PPM1F: variants seen among roughly 807,000 people sequenced by gnomAD.
PPM1F encodes protein phosphatase 1F.
PPM1F carries 17 observed loss-of-function variants against 35.5 expected under a neutral mutation model. The ratio of observed to expected loss-of-function variants is 0.48; its 90% CI spans 0.33 to 0.72. The LOEUF (loss-of-function observed/expected upper bound fraction) is 0.72. Ranked by LOEUF, PPM1F falls within the 30% of genes least tolerant of loss-of-function variation. The pLI is 0.02. For missense variants in PPM1F, 521 were observed against 613.0 expected, an observed-to-expected ratio of 0.85 and a Z score of 1.59; for synonymous variants, 241 against 255.5, an observed-to-expected ratio of 0.94 and a Z score of 0.54.
At chr22:21,926,353 C>T (rs536865130) in intron 6 of PPM1F, among the ~76,000 whole-genome samples, 4 of 151,976 alleles carry the variant, frequency 2.6e-5, no homozygotes, top group Admixed American at 6.6e-5. Context: ...AGACTGGTCT[C>T]GATCTCCTGA....
intron 3 of PPM1F, chr22:21,938,299 C>T (rs2070685231): frequency 7.2e-6 from 9 of 1,247,438 alleles, no homozygotes; most frequent in Admixed American, 2.8e-5. Context: ...GGCCGCAGAG[C>T]GGAGGAGCAG....
intron 6 of PPM1F, among the ~76,000 whole-genome samples, chr22:21,930,277 G>T (rs149537401): frequency 1.1e-4 from 17 of 152,312 alleles, no homozygotes; most frequent in African/African-American, 3.4e-4. Context: ...CATGGCCTGA[G>T]GTGGGAAGCT....
chr22:21,943,635 C>T (rs1290254585), intron 2 of PPM1F: 1 of 152,432 alleles, frequency 6.6e-6, no homozygotes, highest in Non-Finnish European at 1.5e-5. Flanking sequence ...TGGTTCGGGG[C>T]CCTCCTGGGC....
Position 21,923,420 on chromosome 22 carries a change from C to T in PPM1F, c.1037G>A (p.Arg346Gln), listed in dbSNP as rs199861570. ...YVSGEADAASRALTGSEDYLL... is the reference protein window; with the variant it reads ...YVSGEADAASQALTGSEDYLL... ...GTAGTCCTCGGAGCCCGTCAGCGCC[C>T]GGGAAGCTGCATCGGCCTCCCCAGA... The change falls in exon 8 of 8, where the codon CGG (arginine) becomes CAG (glutamine). Residue 346 changes from arginine (R) to glutamine (Q), a missense_variant. Arg to Gln is a conservative substitution (Grantham distance 43). Coordinates refer to ENST00000263212, the MANE Select transcript of PPM1F (RefSeq NM_014634.4). The T allele has an allele frequency of 4.6e-5, 74 of 1,613,366 alleles. No individual in the cohort carries two copies. In the Admixed American group the frequency reaches 5.5e-4, roughly 12 times the overall value.
Position 21,924,268 on chromosome 22 carries a change from CT to C in PPM1F, c.986-798del, listed in dbSNP as rs34519625. Among the ~76,000 whole-genome samples the C allele has an allele frequency of 1.2e-3, 159 of 137,176 alleles. 2 individuals are homozygous for C. Among genetic ancestry groups the C allele is most frequent in the South Asian group, 4.6e-3 (20 of 4,306 alleles). 90.0% of individuals were successfully genotyped at this position (137,176 alleles called of 152,430 possible). ...GACAATGAGATGCAGGCTGGACCCA[CT>C]TTTTTTTTTTTTTTTGAGATGGAGT... On this transcript the variant is annotated intron_variant, in intron 7 of 7. Transcript: ENST00000263212.
At position 21,939,499 on chromosome 22, in the gene PPM1F, C is replaced by T. The variant is rs929642109; in HGVS notation, c.355+33G>A. 1.9e-5 allele frequency: 30 copies of T among 1,607,224 alleles called. No individual in the cohort carries two copies. The highest frequency in any genetic ancestry group is 2.3e-5 in the Non-Finnish European group (27 of 1,176,476). On this transcript the variant is annotated intron_variant, in intron 3 of 7. Coordinates refer to ENST00000263212, the MANE Select transcript of PPM1F (RefSeq NM_014634.4). This position sits in a 1 kb window ranked among gnomAD's most constrained non-coding sequence, Gnocchi z 5.1. ...TCACCCTTTGTTGCCTGCTAAGCAG[C>T]CCTGGGGCCACCTCAGAAGAAACAG...
At chr22:21,932,996 A>C (rs928502269) in intron 5 of PPM1F, among the ~76,000 whole-genome samples, 4 of 152,092 alleles carry the variant, frequency 2.6e-5, no homozygotes, top group African/African-American at 9.7e-5. Flanking sequence ...AGTGCTTTCC[A>C]TGCATGGCTC....
intron 2 of PPM1F, chr22:21,945,096 A>G (rs536274627): frequency 6.6e-6 from 1 of 152,444 alleles, no homozygotes; most frequent in Admixed American, 6.5e-5. Flanking sequence ...ATCAGCTGCT[A>G]TGCAATAAAT....
chr22:21,933,453 C>G lies in PPM1F; in HGVS notation c.685G>C (p.Gly229Arg). The G allele has an allele frequency of 6.2e-7, 1 of 1,613,476 alleles. No homozygotes were observed. The highest frequency in any genetic ancestry group is 1.1e-5 in the South Asian group (1 of 91,078). Reference protein sequence around the residue: ...RQPELPTDPEGALREAFRRTD... With the variant: ...RQPELPTDPERALREAFRRTD... ...CGCCGGAAGGCTTCTCTGAGGGCTC[C>G]CTCAGGGTCTGTGGGCAGCTCTGGC... Residue 229 changes from glycine (G) to arginine (R), a missense_variant, in exon 5 of 8, where the codon GGA (glycine) becomes CGA (arginine). Coordinates refer to ENST00000263212, the MANE Select transcript of PPM1F (RefSeq NM_014634.4).
intron 2 of PPM1F, chr22:21,943,200 C>T (rs963336387): frequency 1.3e-5 from 2 of 152,176 alleles, no homozygotes; most frequent in African/African-American, 4.8e-5. Context: ...CCTCCTCAGG[C>T]TGGGACACGG....
At chr22:21,926,719 C>T (rs766679975) in intron 6 of PPM1F, among the ~76,000 whole-genome samples, 1 of 152,142 alleles carries the variant, frequency 6.6e-6, no homozygotes, top group Non-Finnish European at 1.5e-5. Flanking sequence ...CATCCCTTAC[C>T]GGTTTATCAG....
rs1404222064 is a variant in PPM1F at position 21,922,846 on chromosome 22, G to A, written c.*246C>T. On this transcript the variant is annotated 3_prime_UTR_variant, in exon 8 of 8. Transcript: ENST00000263212. ...CGGGCCTAATAGGAGCTGGGAGCAAGAGCCGGTCCATCTTCTCTTTGGTGA... is the reference window on the plus strand; with the variant it reads ...CGGGCCTAATAGGAGCTGGGAGCAAAAGCCGGTCCATCTTCTCTTTGGTGA... 1.9e-6 allele frequency: 1 copy of A among 515,760 alleles called. No homozygotes were observed. The highest frequency in any genetic ancestry group is 3.4e-6 in the Non-Finnish European group (1 of 293,676). The allele number at this position is 515,760 out of a possible 1,614,324, so 31.9% of individuals were successfully genotyped here.
At chr22:21,925,759 A>G (rs2070506787) in intron 6 of PPM1F, 97 bp from the exon 7 acceptor site, 1 of 963,356 alleles carries the variant, frequency 1.0e-6, no homozygotes, top group African/African-American at 1.6e-5. Context: ...CTTCTAAGAC[A>G]GCAGCATTCA....
At position 21,934,173 on chromosome 22, in the gene PPM1F, C is replaced by T. The variant is rs550518307; in HGVS notation, c.409G>A (p.Ala137Thr). 2.5e-5 allele frequency: 39 copies of T among 1,578,514 alleles called. No homozygotes were observed. In the Middle Eastern group the frequency reaches 5.0e-4, roughly 20 times the overall value. ...QSFFNRLWEV[A>T]GQWQKQVPLA... The stretch of plus-strand genomic sequence containing the variant: ...GGCACCTGCTTCTGCCACTGGCCGG[C>T]GACTTCCCAAAGGCGGTTAAAGAAA... The change falls in exon 4 of 8, where the codon GCC becomes ACC. Residue 137 changes from alanine (A) to threonine (T), a missense_variant. Physicochemically the swap from Ala to Thr is moderately conservative, Grantham distance 58 (BLOSUM62 0). Coordinates refer to ENST00000263212, the MANE Select transcript of PPM1F (RefSeq NM_014634.4).
chr22:21,940,828 G>A (rs1029364823), intron 2 of PPM1F, among the ~76,000 whole-genome samples: 1 of 152,208 alleles, frequency 6.6e-6, no homozygotes, highest in African/African-American at 2.4e-5. Flanking sequence ...GGAGCTGCCG[G>A]GGTGAGGGGC....
chr22:21,951,589 T>A (rs925970492), intron 1 of PPM1F: 2 of 152,036 alleles, frequency 1.3e-5, no homozygotes, highest in African/African-American at 4.8e-5. Context: ...TCAGGTGATA[T>A]GCCTGCCTCG....
chr22:21,919,744 T>A lies in PPM1F; in HGVS notation c.*3348A>T, dbSNP rs1412073027. On this transcript the variant is annotated 3_prime_UTR_variant, in exon 8 of 8. Coordinates refer to ENST00000263212, the MANE Select transcript of PPM1F (RefSeq NM_014634.4). ...AGAGGCAGAATCGAACCAAAAACAC[T>A]GCTTCCTTTAACACAGCCCAACTGG... The A allele has an allele frequency of 1.3e-5, 2 of 152,344 alleles. No individual in the cohort carries two copies. The highest frequency in any genetic ancestry group is 1.5e-5 in the Non-Finnish European group (1 of 68,106). The allele number at this position is 152,344 out of a possible 1,614,324, so 9.4% of individuals were successfully genotyped here. A position where few individuals can be genotyped will look rare whatever the true frequency, so the allele number is the denominator to read the frequency against.
chr22:21,925,849 C>T (rs927749383), intron 6 of PPM1F, 187 bp from the exon 7 acceptor site: 15 of 499,832 alleles, frequency 3.0e-5, no homozygotes, highest in Non-Finnish European at 5.0e-5. Flanking sequence ...AGAAATTATA[C>T]ACAACCCACA....
chr22:21,946,214 G>A, intron 1 of PPM1F, 106 bp from the exon 2 acceptor site: 1 of 526,684 alleles, frequency 1.9e-6, no homozygotes, highest in Non-Finnish European at 3.2e-6. Flanking sequence ...CATGGTTCAG[G>A]GCCACTAGAG....
Sources: gnomAD v4.1 joint callset for allele counts (sites outside exome capture counted in the v4.1 genomes callset) on GRCh38, gnomAD v4.1.1 for gene constraint, Gnocchi (gnomAD v3.1) non-coding constraint, MANE v1.5 for transcripts, NCBI Gene and HGNC (gene_info 2026-07-23, HGNC 2026-07-21) for gene names.